The following DGKH variants were observed in gnomAD, a reference collection of about 807,000 sequenced individuals.
DGKH encodes the protein diacylglycerol kinase eta.
Under a neutral mutation model 159.3 loss-of-function variants are expected in DGKH, and 90 were observed. The observed-to-expected ratio is 0.57, with a 90% CI of 0.48 to 0.67. DGKH has a LOEUF of 0.67. DGKH is among the 30% of genes least tolerant of loss of function. DGKH has a pLI of 0.00. For missense variants in DGKH, 1,181 were observed against 1,506.1 expected (o/e 0.78, Z 3.57); for synonymous variants, 536 against 553.8 (o/e 0.97, Z 0.45).
intron 3 of DGKH, among the ~76,000 whole-genome samples, chr13:42,142,031 C>T (rs536190624): frequency 6.6e-6 from 1 of 151,330 alleles, no homozygotes; most frequent in African/African-American, 2.4e-5. Context: ...GGTTTTAGGT[C>T]TAACATTTAA....
Position 42,083,545 on chromosome 13 carries a change from C to A in DGKH, c.192+34580C>A, listed in dbSNP as rs1212769237. 2.6e-5 allele frequency among the ~76,000 whole-genome samples: 4 copies of A among 152,284 alleles called. No homozygotes were observed. In the East Asian group the frequency reaches 7.7e-4, roughly 29 times the overall value. Reference sequence around the variant, plus strand: ...GGGTTCCTGGCGCCATTTTATCTAGCGCCGCCGCTGTAGGCGTGGAAGTAC... The same window carrying A: ...GGGTTCCTGGCGCCATTTTATCTAGAGCCGCCGCTGTAGGCGTGGAAGTAC... On this transcript the variant is annotated intron_variant, in intron 1 of 29. Transcript: ENST00000337343.
chr13:42,201,696 T>C (rs1192057282), intron 20 of DGKH, among the ~76,000 whole-genome samples: 1 of 152,218 alleles, frequency 6.6e-6, no homozygotes, highest in Non-Finnish European at 1.5e-5. Flanking sequence ...TCAAATGCAT[T>C]ATATGAAATA....
intron 29 of DGKH, among the ~76,000 whole-genome samples, chr13:42,248,537 ATTAT>A (rs1213443066): frequency 6.8e-6 from 1 of 147,232 alleles, no homozygotes; most frequent in East Asian, 1.9e-4. Flanking sequence ...TTATTTAATA[ATTAT>A]TTAAATTATA....
At position 42,199,556 on chromosome 13, in the gene DGKH, G is replaced by C; in HGVS notation, c.2286-10G>C. On this transcript the variant is annotated splice_polypyrimidine_tract_variant and intron_variant, in intron 18 of 29. Coordinates refer to ENST00000337343, the MANE Select transcript of DGKH (RefSeq NM_178009.5). ...AATTGACTTTGATGTACTTTTCCCTGTGATCATAGAGATGGATATTCAGAA... is the reference window on the plus strand; with the variant it reads ...AATTGACTTTGATGTACTTTTCCCTCTGATCATAGAGATGGATATTCAGAA... 1 of 1,547,688 alleles carries C rather than the reference G, an allele frequency of 6.5e-7. No homozygotes were observed. The highest frequency in any genetic ancestry group is 1.4e-5 in the African/African-American group (1 of 72,248).
At chr13:42,227,948 GTT>G (rs924747928) in intron 29 of DGKH, among the ~76,000 whole-genome samples, 1 of 152,078 alleles carries the variant, frequency 6.6e-6, no homozygotes, top group African/African-American at 2.4e-5. Flanking sequence ...TTATAACCCT[GTT>G]TTTTAGGCCA....
Position 42,229,173 on chromosome 13 carries a change from A to G in DGKH, c.3648A>G (p.Pro1216=), listed in dbSNP as rs759618080. Residue 1216 remains proline (P), a synonymous_variant, in exon 30 of 30, where the codon CCA becomes CCG. Transcript: ENST00000337343. ...QGIKELGRST[P]QSEV ...TTAAAGAGCTTGGAAGGAGCACTCC[A>G]CAGTCGGAGGTGTAATCATATTGGT... 2 of 1,610,400 alleles carry G rather than the reference A, an allele frequency of 1.2e-6. No homozygotes were observed. The highest frequency in any genetic ancestry group is 1.1e-5 in the South Asian group (1 of 89,926).
rs545146061 is a variant in DGKH, at chr13:42,255,845, T to C, written n.4128-439T>C. 100 of 783,294 alleles carry C rather than the reference T, an allele frequency of 1.3e-4. No individual in the cohort carries two copies. In the African/African-American group the frequency reaches 1.7e-3, roughly 13 times the overall value. The allele number at this position is 783,294 out of a possible 1,614,324, so 48.5% of individuals were successfully genotyped here. On this transcript the variant is annotated intron_variant and non_coding_transcript_variant, in intron 30 of 30. Coordinates refer to the DGKH transcript ENST00000498255. Reference sequence around the variant, plus strand: ...AGTAATATATAAAAAGGGCAGCCCATTTTTATCTTCAAAAAAGAGACTGAT... The same window carrying C: ...AGTAATATATAAAAAGGGCAGCCCACTTTTATCTTCAAAAAAGAGACTGAT...
intron 18 of DGKH, 104 bp downstream of exon 18, chr13:42,198,699 CA>C: frequency 9.7e-7 from 1 of 1,027,462 alleles, no homozygotes; most frequent in African/African-American, 1.6e-5. Context: ...AATATGGTCC[CA>C]TGTAAAAAAA....
chr13:42,130,639 T>G (rs929392158), intron 3 of DGKH, among the ~76,000 whole-genome samples: 1 of 152,032 alleles, frequency 6.6e-6, no homozygotes, highest in Non-Finnish European at 1.5e-5. Flanking sequence ...GTCCATCCCC[T>G]AGGCATGACA....
At chr13:42,082,079 TC>T (rs1216436855) in intron 1 of DGKH, among the ~76,000 whole-genome samples, 1 of 152,040 alleles carries the variant, frequency 6.6e-6, no homozygotes, top group African/African-American at 2.4e-5. Context: ...ATCAGATCAA[TC>T]CTCATTGCTA....
chr13:42,125,272 T>G (rs968110029), intron 1 of DGKH, among the ~76,000 whole-genome samples: 1 of 152,226 alleles, frequency 6.6e-6, no homozygotes, highest in African/African-American at 2.4e-5. Flanking sequence ...CAAGAAGCTC[T>G]TATAATTTGA....
intron 29 of DGKH, among the ~76,000 whole-genome samples, chr13:42,249,628 A>G (rs75394946): frequency 0.041 from 6,282 of 152,308 alleles, 220 homozygotes; most frequent in Non-Finnish European, 0.063. Context: ...CGATATGTAA[A>G]TGAATGGGCA....
chr13:42,250,895 TA>T (rs200439026), intron 29 of DGKH, among the ~76,000 whole-genome samples: 2,120 of 152,338 alleles, frequency 0.014, 43 homozygotes, highest in African/African-American at 0.048. Flanking sequence ...TTTCATGAGC[TA>T]TGCAATTTCA....
intron 3 of DGKH, among the ~76,000 whole-genome samples, chr13:42,144,278 A>G (rs184916680): frequency 1.1e-3 from 169 of 152,318 alleles, no homozygotes; most frequent in Non-Finnish European, 2.0e-3. Context: ...AACTCTCTGG[A>G]AAATCCCAGA....
intron 6 of DGKH, among the ~76,000 whole-genome samples, chr13:42,159,755 A>G (rs1173366815): frequency 6.6e-6 from 1 of 152,268 alleles, no homozygotes; most frequent in East Asian, 1.9e-4. Context: ...GGGAACGCTT[A>G]GTGATCACTT....
At chr13:42,149,129 A>C (rs1252652263) in intron 3 of DGKH, among the ~76,000 whole-genome samples, 1 of 151,672 alleles carries the variant, frequency 6.6e-6, no homozygotes. Flanking sequence ...GGGCCTTGTG[A>C]TATTGCCCAG....
At chr13:42,249,325 T>G (rs1458874291) in intron 29 of DGKH, among the ~76,000 whole-genome samples, 1 of 152,148 alleles carries the variant, frequency 6.6e-6, no homozygotes, top group Non-Finnish European at 1.5e-5. Flanking sequence ...CCTGGGAGGA[T>G]GGAGTGAGCC....
At chr13:42,161,048 T>C (rs1199684972) in intron 7 of DGKH, among the ~76,000 whole-genome samples, 1 of 152,244 alleles carries the variant, frequency 6.6e-6, no homozygotes, top group African/African-American at 2.4e-5. Flanking sequence ...TTGCCTCTTT[T>C]ACTAGCCTTA....
At chr13:42,060,650 A>G (rs1882088010) in intron 1 of DGKH, among the ~76,000 whole-genome samples, 1 of 152,206 alleles carries the variant, frequency 6.6e-6, no homozygotes, top group Non-Finnish European at 1.5e-5. Context: ...ATGGCCAGGC[A>G]TAGTGTTAGG....
Sources: gnomAD v4.1 joint callset for allele counts (sites outside exome capture counted in the v4.1 genomes callset) on GRCh38, gnomAD v4.1.1 for gene constraint, MANE v1.5 for transcripts, NCBI Gene and HGNC (gene_info 2026-07-23, HGNC 2026-07-21) for gene names.